Variants in DNAAF4 observed in about 807,000 individuals in gnomAD.
DNAAF4 encodes dynein assembly factor 4, axonemal.
In DNAAF4, 43 loss-of-function variants were observed where a neutral mutation model predicts 51.8. The observed-to-expected ratio is 0.83, with a 90% CI of 0.65 to 1.07. The LOEUF is 1.07. Among genes scored for constraint, DNAAF4 ranks in the 50% least tolerant of loss-of-function variants. DNAAF4 has a pLI of 0.00. For synonymous variants in DNAAF4, 194 were observed against 165.6 expected (o/e 1.17, Z -1.32); for missense variants, 581 against 493.0 (o/e 1.18, Z -1.69).
At chr15:55,468,894 G>C (rs2058207854) in intron 4 of DNAAF4, among the ~76,000 whole-genome samples, 1 of 152,156 alleles carries the variant, frequency 6.6e-6, no homozygotes, top group Non-Finnish European at 1.5e-5. Context: ...GCTCTTCAGA[G>C]AGTAGTGATG....
chr15:55,505,098 G>A (rs1434502525), intron 1 of DNAAF4, among the ~76,000 whole-genome samples: 1 of 152,080 alleles, frequency 6.6e-6, no homozygotes, highest in African/African-American at 2.4e-5. Context: ...CCATCAAAAA[G>A]TGAGCAAAGG....
intron 2 of DNAAF4, 78 bp from the exon 3 acceptor site, chr15:55,497,937 T>C: frequency 6.6e-7 from 1 of 1,526,190 alleles, no homozygotes; most frequent in Non-Finnish European, 8.8e-7. Flanking sequence ...GTGAAAAAGG[T>C]AAAATAACTT....
intron 6 of DNAAF4, among the ~76,000 whole-genome samples, chr15:55,448,879 T>A (rs1354751002): frequency 6.6e-6 from 1 of 151,062 alleles, no homozygotes; most frequent in Non-Finnish European, 1.5e-5. Context: ...CACAAAATAA[T>A]AATAATTATT....
intron 5 of DNAAF4, among the ~76,000 whole-genome samples, chr15:55,454,300 C>CA (rs34277101): frequency 6.8e-5 from 10 of 146,406 alleles, no homozygotes; most frequent in East Asian, 4.0e-4. Context: ...GACTCTGTCT[C>CA]AAAAAAAAAG....
chr15:55,490,411 A>C (rs1340810373), intron 4 of DNAAF4, among the ~76,000 whole-genome samples: 3 of 152,128 alleles, frequency 2.0e-5, no homozygotes, highest in African/African-American at 4.8e-5. Flanking sequence ...AATTATATGG[A>C]ATGTGAATTG....
intron 8 of DNAAF4, among the ~76,000 whole-genome samples, chr15:55,434,200 G>T (rs1019943134): frequency 4.0e-5 from 6 of 148,592 alleles, no homozygotes; most frequent in African/African-American, 1.5e-4. Context: ...TTACCAGTAG[G>T]AATTATTAAA....
At chr15:55,501,643 G>A (rs1023806858) in intron 1 of DNAAF4, among the ~76,000 whole-genome samples, 2 of 151,578 alleles carry the variant, frequency 1.3e-5, no homozygotes, top group Admixed American at 6.6e-5. Flanking sequence ...CCAAAGTGCC[G>A]GGATTACAGG....
At chr15:55,443,975 T>C (rs945059712) in intron 6 of DNAAF4, among the ~76,000 whole-genome samples, 10 of 152,074 alleles carry the variant, frequency 6.6e-5, no homozygotes, top group Admixed American at 4.6e-4. Flanking sequence ...TGCAAAAATT[T>C]TCTCCCATTC....
rs571210009 is a variant in DNAAF4 at position 55,475,537 on chromosome 15, A to AT, written c.406-8377dup. The stretch of plus-strand genomic sequence containing the variant: ...GAACTAGAAGTGTTTCAGATTTTGG[A>AT]TTTTTTTCAGATTTTGGAATACTTG... On this transcript the variant is annotated intron_variant, in intron 4 of 9. Transcript: ENST00000321149. Among the ~76,000 whole-genome samples the AT allele has an allele frequency of 9.8e-4, 149 of 152,060 alleles. 3 individuals are homozygous for AT. Among genetic ancestry groups the AT allele is most frequent in the African/African-American group, 3.4e-3 (142 of 41,478 alleles).
chr15:55,442,947 G>C, intron 6 of DNAAF4: 1 of 1,611,316 alleles, frequency 6.2e-7, no homozygotes, highest in Non-Finnish European at 8.5e-7. Flanking sequence ...CTTGAAATAA[G>C]CAAACCATCC....
chr15:55,461,604 C>T (rs1013042246), intron 5 of DNAAF4, among the ~76,000 whole-genome samples: 1 of 152,078 alleles, frequency 6.6e-6, no homozygotes, highest in Admixed American at 6.6e-5. Flanking sequence ...AATAGTGACA[C>T]AACCAGTCAA....
chr15:55,464,944 A>G (rs1184318711), intron 5 of DNAAF4, among the ~76,000 whole-genome samples: 1 of 152,220 alleles, frequency 6.6e-6, no homozygotes, highest in East Asian at 1.9e-4. Flanking sequence ...AACAAGAGCG[A>G]AATTCCATCT....
intron 1 of DNAAF4, among the ~76,000 whole-genome samples, chr15:55,506,979 A>G (rs992682273): frequency 1.3e-5 from 2 of 152,070 alleles, no homozygotes; most frequent in African/African-American, 4.8e-5. Context: ...CCTCCTGAGT[A>G]GCTGGGATTA....
intron 8 of DNAAF4, among the ~76,000 whole-genome samples, chr15:55,433,625 CAAA>C (rs750056970): frequency 3.5e-5 from 2 of 56,650 alleles, no homozygotes; most frequent in Non-Finnish European, 6.5e-5. Flanking sequence ...GACCTCGTCT[CAAA>C]AAAAAAAAAA....
intron 5 of DNAAF4, among the ~76,000 whole-genome samples, chr15:55,465,383 GGT>G: frequency 1.1e-5 from 1 of 87,294 alleles, no homozygotes; most frequent in African/African-American, 4.7e-5. Context: ...AAGAAAATAT[GGT>G]GTATATATAC....
intron 5 of DNAAF4, among the ~76,000 whole-genome samples, chr15:55,461,658 T>C (rs2058096227): frequency 1.3e-5 from 2 of 152,112 alleles, no homozygotes; most frequent in Non-Finnish European, 1.5e-5. Flanking sequence ...GGAAAGTTCA[T>C]AGCACTAAAC....
chr15:55,500,218 A>C (rs2058688442), intron 1 of DNAAF4, among the ~76,000 whole-genome samples: 1 of 152,146 alleles, frequency 6.6e-6, no homozygotes, highest in Non-Finnish European at 1.5e-5. Context: ...TGAAGAGAAA[A>C]CCATCTTTTC....
At chr15:55,422,223 G>C (rs947231379) in intron 7 of DNAAF4, among the ~76,000 whole-genome samples, 1 of 152,068 alleles carries the variant, frequency 6.6e-6, no homozygotes, top group African/African-American at 2.4e-5. Context: ...ACTTCAGCAA[G>C]GAGTTACTTT....
At position 55,433,442 on chromosome 15, in the gene DNAAF4, C is replaced by T. The variant is rs541792893; in HGVS notation, c.1048-840G>A. Among the ~76,000 whole-genome samples, 32 of 151,874 alleles carry T rather than the reference C, an allele frequency of 2.1e-4. 1 individual carries two copies. Among genetic ancestry groups the T allele is most frequent in the Middle Eastern group, 3.4e-3 (1 of 294 alleles). ...GAGATCGAGACCATCCTGGCTAACA[C>T]GGTGAAACCCCGTCTCTACTAAAAA... On this transcript the variant is annotated intron_variant, in intron 8 of 9. Transcript: ENST00000321149.
Sources: gnomAD v4.1 joint callset for allele counts (sites outside exome capture counted in the v4.1 genomes callset) on GRCh38, gnomAD v4.1.1 for gene constraint, MANE v1.5 for transcripts, NCBI Gene and HGNC (gene_info 2026-07-23, HGNC 2026-07-21) for gene names.